Variants in DLC1 observed in about 807,000 individuals in gnomAD.
The protein encoded by DLC1 is DLC1 Rho GTPase activating protein, also known as rho GTPase-activating protein 7.
In DLC1, 54 loss-of-function variants were observed where a neutral mutation model predicts 140.3. The observed-to-expected ratio is 0.38, with a 90% confidence interval of 0.31 to 0.48. The LOEUF (loss-of-function observed/expected upper bound fraction) is 0.48, where lower values mean the gene tolerates loss of function less well. Among genes scored for constraint, DLC1 ranks in the 20% least tolerant of loss-of-function variants. The pLI, the probability that DLC1 is intolerant of heterozygous loss-of-function variation, is 0.96. For synonymous variants in DLC1, 986 were observed against 728.1 expected (o/e 1.35, Z -5.70); for missense variants, 2,536 against 1,907.0 (o/e 1.33, Z -6.14).
Position 13,499,257 on chromosome 8 carries a change from G to T in DLC1, c.815C>A (p.Thr272Lys), listed in dbSNP as rs1305539470. 8 of 1,614,150 alleles carry T rather than the reference G, an allele frequency of 5.0e-6. No homozygotes were observed. Among genetic ancestry groups the T allele is most frequent in the Non-Finnish European group, 6.8e-6 (8 of 1,180,010 alleles). The change falls in exon 2 of 18, where the codon ACA becomes AAA. Residue 272 changes from threonine (T) to lysine (K), a missense_variant. Transcript: ENST00000276297. ...CTGCAGAAGGCAGCTTCCAAAATCTGTTTTTAATAATGGCAGTCCTCTGTT... is the reference window on the plus strand; with the variant it reads ...CTGCAGAAGGCAGCTTCCAAAATCTTTTTTTAATAATGGCAGTCCTCTGTT... ...CTNRGLPLLK[T>K]DFGSCLLQPP... is the part of the protein sequence containing the mutation.
chr8:13,363,962 A>G (rs889306437), intron 4 of DLC1, among the ~76,000 whole-genome samples: 2 of 152,202 alleles, frequency 1.3e-5, no homozygotes, highest in African/African-American at 4.8e-5. Flanking sequence ...GCTCTTTGAA[A>G]TGTGAAATTC....
chr8:13,356,154 G>A (rs909432797), intron 4 of DLC1, among the ~76,000 whole-genome samples: 3 of 148,648 alleles, frequency 2.0e-5, no homozygotes, highest in African/African-American at 7.4e-5. Flanking sequence ...TTTTGATGAT[G>A]CAGGGGAGTT....
intron 4 of DLC1, among the ~76,000 whole-genome samples, chr8:13,388,820 A>G (rs1836631978): frequency 6.6e-6 from 1 of 152,030 alleles, no homozygotes; most frequent in Admixed American, 6.6e-5. Context: ...GATTTAGAAA[A>G]TGATGTTAAA....
intron 4 of DLC1, among the ~76,000 whole-genome samples, chr8:13,356,292 C>G (rs1206582958): frequency 1.3e-5 from 2 of 151,950 alleles, no homozygotes; most frequent in Non-Finnish European, 1.5e-5. Flanking sequence ...GTCATGAACT[C>G]AGAAGTCATC....
At chr8:13,089,491 G>T (rs1285509115) in intron 15 of DLC1, among the ~76,000 whole-genome samples, 1 of 151,984 alleles carries the variant, frequency 6.6e-6, no homozygotes, top group Non-Finnish European at 1.5e-5. Flanking sequence ...ATGGCGTGGT[G>T]GTGGGCACCT....
At chr8:13,342,279 C>G (rs937897828) in intron 4 of DLC1, 1 of 152,140 alleles carries the variant, frequency 6.6e-6, no homozygotes, top group African/African-American at 2.4e-5. Flanking sequence ...GTGTTTCAAA[C>G]ATGCAGAAAA....
intron 1 of DLC1, among the ~76,000 whole-genome samples, chr8:13,501,078 A>G (rs1317952165): frequency 6.6e-6 from 1 of 152,134 alleles, no homozygotes; most frequent in Non-Finnish European, 1.5e-5. Context: ...TGTAAACTCT[A>G]AATATTTTAT....
intron 5 of DLC1, among the ~76,000 whole-genome samples, chr8:13,161,120 A>G (rs2128984491): frequency 6.6e-6 from 1 of 152,294 alleles, no homozygotes; most frequent in South Asian, 2.1e-4. Flanking sequence ...AGGTAGGCCT[A>G]CAAAAGATTA....
intron 2 of DLC1, among the ~76,000 whole-genome samples, chr8:13,445,534 A>G (rs1306113383): frequency 1.3e-5 from 2 of 152,238 alleles, no homozygotes; most frequent in African/African-American, 4.8e-5. Flanking sequence ...AGGAACCACC[A>G]ATGATTAAAG....
chr8:13,143,564 T>C (rs778059464), intron 5 of DLC1, among the ~76,000 whole-genome samples: 1 of 151,866 alleles, frequency 6.6e-6, no homozygotes, highest in Non-Finnish European at 1.5e-5. Flanking sequence ...CAAGTGATCC[T>C]TCCTCCTCCG....
At chr8:13,220,322 G>A (rs1299184051) in intron 5 of DLC1, among the ~76,000 whole-genome samples, 1 of 152,122 alleles carries the variant, frequency 6.6e-6, no homozygotes, top group Non-Finnish European at 1.5e-5. Flanking sequence ...TGAATTTGCA[G>A]CAAAGGATAA....
At chr8:13,510,925 A>T (rs376341052) in intron 1 of DLC1, among the ~76,000 whole-genome samples, 6 of 152,318 alleles carry the variant, frequency 3.9e-5, no homozygotes, top group African/African-American at 1.4e-4. Flanking sequence ...TCTGGAAAAT[A>T]AGAAAGAAGT....
At chr8:13,554,218 C>T (rs1803966254) in intron 1 of DLC1, among the ~76,000 whole-genome samples, 1 of 152,114 alleles carries the variant, frequency 6.6e-6, no homozygotes, top group South Asian at 2.1e-4. Context: ...AGAGGCCCGC[C>T]AACACACCCT....
intron 2 of DLC1, among the ~76,000 whole-genome samples, chr8:13,468,129 A>G (rs1009247301): frequency 6.6e-6 from 1 of 152,192 alleles, no homozygotes; most frequent in East Asian, 1.9e-4. Context: ...AGAATTTTAA[A>G]CACTTTCGGA....
At chr8:13,379,373 T>C (rs961649663) in intron 4 of DLC1, among the ~76,000 whole-genome samples, 3 of 152,116 alleles carry the variant, frequency 2.0e-5, no homozygotes, top group Non-Finnish European at 4.4e-5. Context: ...AAATCTTAAG[T>C]CAAAAATGCA....
chr8:13,191,512 C>A (rs1585878714), intron 5 of DLC1, among the ~76,000 whole-genome samples: 1 of 152,046 alleles, frequency 6.6e-6, no homozygotes, highest in African/African-American at 2.4e-5. Flanking sequence ...CAACAACAAA[C>A]CCTTAACGAC....
At chr8:13,155,068 C>G (rs142557773) in intron 5 of DLC1, among the ~76,000 whole-genome samples, 1 of 151,394 alleles carries the variant, frequency 6.6e-6, no homozygotes, top group Admixed American at 6.6e-5. Flanking sequence ...AACGTATATA[C>G]TTGTATTTAA....
At chr8:13,596,551 G>A (rs1174072265) in intron 1 of DLC1, among the ~76,000 whole-genome samples, 3 of 152,020 alleles carry the variant, frequency 2.0e-5, no homozygotes, top group Admixed American at 1.3e-4. Context: ...AATTAGCAGA[G>A]TAACAATACT....
intron 2 of DLC1, among the ~76,000 whole-genome samples, chr8:13,438,789 C>T (rs1232320614): frequency 1.3e-5 from 2 of 152,264 alleles, no homozygotes; most frequent in African/African-American, 4.8e-5. Flanking sequence ...ACAGCCGCCT[C>T]CTTTCCATGA....
Sources: allele counts gnomAD v4.1 joint callset (sites outside exome capture counted in the v4.1 genomes callset), GRCh38; gene constraint gnomAD v4.1.1; transcripts MANE v1.5; gene names NCBI Gene and HGNC (gene_info 2026-07-23, HGNC 2026-07-21).